The following LTB4R2 variants were observed in gnomAD, a reference collection of about 807,000 sequenced individuals.
LTB4R2 encodes the protein LTB4 receptor JULF2.
In LTB4R2, 6 loss-of-function variants were observed where a neutral mutation model predicts 5.3. That is an observed-to-expected ratio of 1.14 (90% CI 0.62 to 2.24). The LOEUF is 2.24. Ranked by LOEUF, LTB4R2 falls within the 30% of genes most tolerant of loss-of-function variation. LTB4R2 has a pLI of 0.00. For synonymous variants in LTB4R2, 310 were observed against 264.2 expected, an observed-to-expected ratio of 1.17 and a Z score of -1.68; for missense variants, 560 against 521.5, an observed-to-expected ratio of 1.07 and a Z score of -0.72.
chr14:24,310,541 G>C (rs1195144153), intron 1 of LTB4R2, 114 bp from the exon 2 acceptor site: 9 of 1,066,028 alleles, frequency 8.4e-6, no homozygotes, highest in African/African-American at 1.6e-5. Context: ...AGGCAGAAAA[G>C]AGGCAGGCTG....
rs772981580 is a variant in LTB4R2 at position 24,310,859 on chromosome 14, G to C, written c.195G>C (p.Ala65=). 6.3e-7 allele frequency: 1 copy of C among 1,591,496 alleles called. No homozygotes were observed. Among genetic ancestry groups the C allele is most frequent in the Admixed American group, 1.7e-5 (1 of 58,866 alleles). Residue 65 remains alanine (A), a synonymous_variant, in exon 2 of 2, where the codon GCG becomes GCC. Coordinates refer to ENST00000533293, the MANE Select transcript of LTB4R2 (RefSeq NM_019839.5). ...CGGCCACGCTTGTGCTGCACCTGGC[G>C]CTGGCCGACGGCGCGGTGCTGCTGC... The part of the protein sequence containing the change: ...PLAATLVLHL[A]LADGAVLLLT...
At position 24,311,506 on chromosome 14, in the gene LTB4R2, C is replaced by A. The variant is rs1385952122; in HGVS notation, c.842C>A (p.Ser281Tyr). 1 of 1,602,464 alleles carries A rather than the reference C, an allele frequency of 6.2e-7. No homozygotes were observed. The highest frequency in any genetic ancestry group is 1.3e-5 in the African/African-American group (1 of 75,074). Residue 281 changes from serine to tyrosine, a missense_variant, in exon 2 of 2, where the codon TCT (serine) becomes TAT (tyrosine). By Grantham distance (144) the Ser-to-Tyr change is moderately radical. Transcript: ENST00000533293. ...AGTTALAFFSSSVNPVLYVFT... is the reference protein window; with the variant it reads ...AGTTALAFFSYSVNPVLYVFT... ...ACTACGGCCTTGGCCTTCTTCAGTT[C>A]TAGCGTCAACCCGGTGCTCTACGTC... is the stretch of plus-strand genomic sequence containing the variant.
Position 24,310,268 on chromosome 14 carries a change from G to A in LTB4R2, c.-11+13G>A, listed in dbSNP as rs2041645987. On this transcript the variant is annotated intron_variant, in intron 1 of 1. Coordinates refer to ENST00000533293, the MANE Select transcript of LTB4R2 (RefSeq NM_019839.5). ...TGCTCCCAGCTTGGTAAGTAGATCT[G>A]TGCACGTCCCTTTACACCCCACCAT... The A allele has an allele frequency of 1.8e-6, 1 of 555,384 alleles. No homozygotes were observed. The allele number at this position is 555,384 out of a possible 1,614,324, so 34.4% of individuals were successfully genotyped here.
At position 24,311,353 on chromosome 14, in the gene LTB4R2, T is replaced by C; in HGVS notation, c.689T>C (p.Val230Ala). Residue 230 changes from valine (V) to alanine (A), a missense_variant, in exon 2 of 2, where the codon GTG (valine) becomes GCG (alanine). Physicochemically the swap from Val to Ala is moderately conservative, Grantham distance 64 (BLOSUM62 0). Transcript: ENST00000533293. ...ARVGRLVSAI[V>A]LAFGLLWAPY... ...GTGGGCCGGCTGGTGAGCGCCATCGTGCTTGCCTTCGGCTTGCTCTGGGCC... is the reference window on the plus strand; with the variant it reads ...GTGGGCCGGCTGGTGAGCGCCATCGCGCTTGCCTTCGGCTTGCTCTGGGCC... 2 of 1,605,920 alleles carry C rather than the reference T, an allele frequency of 1.2e-6. No homozygotes were observed. Among genetic ancestry groups the C allele is most frequent in the South Asian group, 2.2e-5 (2 of 90,964 alleles).
At position 24,311,406 on chromosome 14, in the gene LTB4R2, G is replaced by A. The variant is rs2041700726; in HGVS notation, c.742G>A (p.Ala248Thr). ...APYHAVNLLQ[A>T]VAALAPPEGA... ...CTACCACGCAGTCAACCTTCTGCAG[G>A]CGGTCGCAGCGCTGGCTCCACCGGA... Residue 248 changes from alanine (A) to threonine (T), a missense_variant, in exon 2 of 2, where the codon GCG (alanine) becomes ACG (threonine). Transcript: ENST00000533293. 6.2e-7 allele frequency: 1 copy of A among 1,601,676 alleles called. No individual in the cohort carries two copies. The highest frequency in any genetic ancestry group is 1.3e-5 in the African/African-American group (1 of 75,062).
chr14:24,311,552 G>C lies in LTB4R2; in HGVS notation c.888G>C (p.Leu296=). 6.2e-7 allele frequency: 1 copy of C among 1,607,850 alleles called. No homozygotes were observed. Among genetic ancestry groups the C allele is most frequent in the Non-Finnish European group, 8.5e-7 (1 of 1,180,006 alleles). The change falls in exon 2 of 2, where the codon CTG becomes CTC. Residue 296 remains leucine (L), a synonymous_variant. Coordinates refer to ENST00000533293, the MANE Select transcript of LTB4R2 (RefSeq NM_019839.5). ...ACGTCTTCACCGCTGGAGATCTGCT[G>C]CCCCGGGCAGGTCCCCGTTTCCTCA... The part of the protein sequence containing the change: ...VLYVFTAGDL[L]PRAGPRFLTR...
chr14:24,310,995 C>T lies in LTB4R2; in HGVS notation c.331C>T (p.Leu111Phe). ...CALSMYASVL[L>F]TGLLSLQRCL... ...GCTCAGCATGTACGCCAGCGTGCTG[C>T]TCACCGGCCTGCTCAGCCTGCAGCG... The change falls in exon 2 of 2, where the codon CTC becomes TTC. Residue 111 changes from leucine to phenylalanine, a missense_variant. Transcript: ENST00000533293. The T allele has an allele frequency of 1.1e-5, 17 of 1,588,530 alleles. No homozygotes were observed. The highest frequency in any genetic ancestry group is 2.3e-5 in the East Asian group (1 of 43,398).
Position 24,310,722 on chromosome 14 carries a change from C to G in LTB4R2, c.58C>G (p.Arg20Gly). 1.2e-6 allele frequency: 2 copies of G among 1,612,188 alleles called. No homozygotes were observed. The highest frequency in any genetic ancestry group is 1.7e-6 in the Non-Finnish European group (2 of 1,179,940). ...NETLLSWKTS[R>G]ATGTAFLLLA... ...GACACTGCTGAGCTGGAAGACTTCG[C>G]GGGCCACAGGCACAGCCTTCCTGCT... The change falls in exon 2 of 2, where the codon CGG becomes GGG. Residue 20 changes from arginine to glycine, a missense_variant. By Grantham distance (125) the Arg-to-Gly change is moderately radical. Coordinates refer to ENST00000533293, the MANE Select transcript of LTB4R2 (RefSeq NM_019839.5).
chr14:24,310,441 A>C, intron 1 of LTB4R2, 186 bp downstream of exon 1: 2 of 681,102 alleles, frequency 2.9e-6, no homozygotes. Context: ...GGAGTGGGGC[A>C]GGTCAACTGA....
Position 24,311,038 on chromosome 14 carries a change from G to A in LTB4R2, c.374G>A (p.Arg125His), listed in dbSNP as rs2139172087. Reference sequence around the variant, plus strand: ...CTGCAGCGCTGCCTCGCAGTCACCCGCCCCTTCCTGGCGCCTCGGCTGCGC... The same window carrying A: ...CTGCAGCGCTGCCTCGCAGTCACCCACCCCTTCCTGGCGCCTCGGCTGCGC... ...LSLQRCLAVT[R>H]PFLAPRLRSP... Residue 125 changes from arginine (R) to histidine (H), a missense_variant, in exon 2 of 2, where the codon CGC (arginine) becomes CAC (histidine). Transcript: ENST00000533293. 1.3e-6 allele frequency: 2 copies of A among 1,578,736 alleles called. No individual in the cohort carries two copies. The highest frequency in any genetic ancestry group is 2.3e-5 in the South Asian group (2 of 88,606).
Position 24,311,470 on chromosome 14 carries a change from C to T in LTB4R2, c.806C>T (p.Ala269Val), listed in dbSNP as rs1432998701. 1.2e-6 allele frequency: 2 copies of T among 1,601,260 alleles called. No individual in the cohort carries two copies. Among genetic ancestry groups the T allele is most frequent in the East Asian group, 2.2e-5 (1 of 44,876 alleles). The change falls in exon 2 of 2, where the codon GCG becomes GTG. Residue 269 changes from alanine to valine, a missense_variant. Physicochemically the swap from Ala to Val is moderately conservative, Grantham distance 64. Transcript: ENST00000533293. ...LAKLGGAGQA[A>V]RAGTTALAFF... is the part of the protein sequence containing the mutation. ...AAGCTGGGCGGAGCCGGCCAGGCGG[C>T]GCGAGCGGGAACTACGGCCTTGGCC... is the stretch of plus-strand genomic sequence containing the variant.
chr14:24,311,318 C>T lies in LTB4R2; in HGVS notation c.654C>T (p.His218=), dbSNP rs1291820051. The T allele has an allele frequency of 3.1e-6, 5 of 1,597,328 alleles. No homozygotes were observed. The highest frequency in any genetic ancestry group is 2.3e-5 in the East Asian group (1 of 44,288). ...LRGARWGSGR[H]GARVGRLVSA... is the part of the protein sequence containing the mutation. ...GCGCCCGCTGGGGCTCCGGGCGGCA[C>T]GGGGCGCGGGTGGGCCGGCTGGTGA... Residue 218 remains histidine (H), a synonymous_variant, in exon 2 of 2, where the codon CAC becomes CAT. Transcript: ENST00000533293.
chr14:24,310,657 C>T lies in LTB4R2; in HGVS notation c.-8C>T. ...TGGCGCCTTCCACCCACCTGTAGGC[C>T]CAGAAGGATGTCGGTCTGCTACCGT... is the stretch of plus-strand genomic sequence containing the variant. On this transcript the variant is annotated splice_region_variant and 5_prime_UTR_variant, in exon 2 of 2. Coordinates refer to ENST00000533293, the MANE Select transcript of LTB4R2 (RefSeq NM_019839.5). The T allele has an allele frequency of 6.2e-7, 1 of 1,614,084 alleles. No individual in the cohort carries two copies. Among genetic ancestry groups the T allele is most frequent in the South Asian group, 1.1e-5 (1 of 91,088 alleles).
rs1392878405 is a variant in LTB4R2, at chr14:24,311,196, G to A, written c.532G>A (p.Ala178Thr). 4.4e-6 allele frequency: 7 copies of A among 1,608,178 alleles called. No individual in the cohort carries two copies. In the Admixed American group the frequency reaches 6.7e-5, roughly 15 times the overall value. ...CQLCHPSPVH[A>T]AAHLSLETLT... ...GCTGTGCCACCCGTCGCCGGTCCAC[G>A]CCGCCGCCCACCTGAGCCTGGAGAC... The change falls in exon 2 of 2, where the codon GCC (alanine) becomes ACC (threonine). Residue 178 changes from alanine to threonine, a missense_variant. Transcript: ENST00000533293.
At position 24,310,892 on chromosome 14, in the gene LTB4R2, G is replaced by C. The variant is rs765401589; in HGVS notation, c.228G>C (p.Pro76=). 7 of 1,592,550 alleles carry C rather than the reference G, an allele frequency of 4.4e-6. No homozygotes were observed. The African/African-American group carries it at 5.4e-5, about 12-fold the overall frequency. Residue 76 remains proline, a synonymous_variant, in exon 2 of 2, where the codon CCG becomes CCC. Transcript: ENST00000533293. ...LADGAVLLLT[P]LFVAFLTRQA... is the part of the protein sequence containing the mutation. The stretch of plus-strand genomic sequence containing the variant: ...ACGGCGCGGTGCTGCTGCTCACGCC[G>C]CTCTTTGTGGCCTTCCTGACCCGGC...
chr14:24,310,917 C>T lies in LTB4R2; in HGVS notation c.253C>T (p.Gln85Ter), dbSNP rs778654292. Residue 85 changes from glutamine (Q) to a stop codon, truncating the protein, a stop_gained, in exon 2 of 2, where the codon CAG (glutamine) becomes TAG (stop). Transcript: ENST00000533293. LOFTEE classifies it low-confidence loss of function (END_TRUNC). ...TPLFVAFLTR[Q>*]AWPLGQAGCK... ...GCTCTTTGTGGCCTTCCTGACCCGG[C>T]AGGCCTGGCCGCTGGGCCAGGCGGG... is the stretch of plus-strand genomic sequence containing the variant. 6.3e-7 allele frequency: 1 copy of T among 1,589,240 alleles called. No individual in the cohort carries two copies. Among genetic ancestry groups the T allele is most frequent in the South Asian group, 1.1e-5 (1 of 90,122 alleles).
chr14:24,311,612 G>C lies in LTB4R2; in HGVS notation c.948G>C (p.Gly316=). ...RLFEGSGEAR[G]GGRSREGTME... ...TCGAAGGCTCTGGGGAGGCCCGAGG[G>C]GGCGGCCGCTCTAGGGAAGGGACCA... Residue 316 remains glycine (G), a synonymous_variant, in exon 2 of 2, where the codon GGG becomes GGC. Coordinates refer to ENST00000533293, the MANE Select transcript of LTB4R2 (RefSeq NM_019839.5). 3 of 1,612,892 alleles carry C rather than the reference G, an allele frequency of 1.9e-6. No homozygotes were observed. The highest frequency in any genetic ancestry group is 2.5e-6 in the Non-Finnish European group (3 of 1,180,016).
At position 24,311,810 on chromosome 14, in the gene LTB4R2, T is replaced by C. The variant is rs373892378; in HGVS notation, c.*69T>C. 5.1e-6 allele frequency: 7 copies of C among 1,366,996 alleles called. No individual in the cohort carries two copies. Among genetic ancestry groups the C allele is most frequent in the Non-Finnish European group, 5.9e-6 (6 of 1,010,632 alleles). The allele number at this position is 1,366,996 out of a possible 1,614,324, so 84.7% of individuals were successfully genotyped here. A position where few individuals can be genotyped will look rare whatever the true frequency, so the allele number is the denominator to read the frequency against. On this transcript the variant is annotated 3_prime_UTR_variant, in exon 2 of 2. Transcript: ENST00000533293. ...CCCCCACCCACCCTCCAGAGGTCAG[T>C]GTTCTGGGACATTTGGGGACCCTTC...
In LTB4R2 at chr14:24,311,068, C is replaced by T. The variant is rs759604164; in HGVS notation, c.404C>T (p.Pro135Leu). The stretch of plus-strand genomic sequence containing the variant: ...TTCCTGGCGCCTCGGCTGCGCAGCC[C>T]GGCCCTGGCCCGCCGCCTGCTGCTG... Reference protein sequence around the residue: ...RPFLAPRLRSPALARRLLLAV... With the variant: ...RPFLAPRLRSLALARRLLLAV... Residue 135 changes from proline to leucine, a missense_variant, in exon 2 of 2, where the codon CCG (proline) becomes CTG (leucine). Physicochemically the swap from Pro to Leu is moderately conservative, Grantham distance 98. Transcript: ENST00000533293. 9.0e-6 allele frequency: 14 copies of T among 1,559,132 alleles called. No individual in the cohort carries two copies. The highest frequency in any genetic ancestry group is 2.4e-5 in the East Asian group (1 of 41,774).
Sources: gnomAD v4.1 joint callset for allele counts on GRCh38, gnomAD v4.1.1 for gene constraint, MANE v1.5 for transcripts, NCBI Gene and HGNC (gene_info 2026-07-23, HGNC 2026-07-21) for gene names.